The following POLE2 variants were observed in gnomAD, a reference collection of about 807,000 sequenced individuals.
POLE2 encodes DNA polymerase epsilon subunit 2.
POLE2 carries 56 observed loss-of-function variants against 79.4 expected under a neutral mutation model. The ratio of observed to expected loss-of-function variants is 0.71; its 90% CI spans 0.57 to 0.88. The LOEUF (loss-of-function observed/expected upper bound fraction) is 0.88, where lower values mean the gene tolerates loss of function less well. POLE2 is among the 40% of genes least tolerant of loss of function. The pLI is 0.00. For synonymous variants in POLE2, 212 were observed against 214.0 expected (o/e 0.99, Z 0.08); for missense variants, 598 against 638.9 (o/e 0.94, Z 0.69).
intron 3 of POLE2, chr14:49,677,403 A>T: frequency 2.1e-6 from 1 of 482,372 alleles, no homozygotes. Flanking sequence ...ATTCATGCCA[A>T]GGGTTAGGCC....
At chr14:49,665,920 G>A (rs932538375) in intron 7 of POLE2, among the ~76,000 whole-genome samples, 6 of 152,088 alleles carry the variant, frequency 3.9e-5, no homozygotes, top group Admixed American at 6.5e-5. Flanking sequence ...TCCACCTCCC[G>A]AGTTCAAGGA....
chr14:49,656,092 AC>A (rs2139627054), intron 10 of POLE2, among the ~76,000 whole-genome samples: 1 of 152,350 alleles, frequency 6.6e-6, no homozygotes, highest in East Asian at 1.9e-4. Context: ...ACGGTGGCTC[AC>A]GCCTGTAATC....
At chr14:49,663,422 T>A in intron 9 of POLE2, 35 bp from the exon 10 acceptor site, 1 of 1,462,288 alleles carries the variant, frequency 6.8e-7, no homozygotes, top group Admixed American at 1.7e-5. Flanking sequence ...ATTTGTCTAA[T>A]CCTCTATGTT....
chr14:49,643,581 T>A lies in POLE2; in HGVS notation c.*71A>T. The A allele has an allele frequency of 1.2e-6, 1 of 805,330 alleles. No individual in the cohort carries two copies. The highest frequency in any genetic ancestry group is 2.1e-6 in the Non-Finnish European group (1 of 486,746). The allele number at this position is 805,330 out of a possible 1,614,324, so 49.9% of individuals were successfully genotyped here. A position where few individuals can be genotyped will look rare whatever the true frequency, so the allele number is the denominator to read the frequency against. On this transcript the variant is annotated 3_prime_UTR_variant, in exon 19 of 19. Transcript: ENST00000216367. ...AAAGTTTACCATAATTTTATTGTAA[T>A]ATCAGAATCACATAAGATATAGAGT... is the stretch of plus-strand genomic sequence containing the variant.
chr14:49,686,622 G>A (rs143982514), intron 1 of POLE2, among the ~76,000 whole-genome samples: 3 of 152,260 alleles, frequency 2.0e-5, no homozygotes, highest in East Asian at 1.9e-4. Flanking sequence ...AATTTGTCAC[G>A]CAGCAATAGA....
chr14:49,664,445 C>T (rs1327348475), intron 9 of POLE2, among the ~76,000 whole-genome samples, 181 bp downstream of exon 9: 2 of 151,412 alleles, frequency 1.3e-5, no homozygotes, highest in South Asian at 2.1e-4. Context: ...AATTTCAGAA[C>T]ATTTTCATCA....
At chr14:49,665,549 C>T (rs996538765) in intron 7 of POLE2, among the ~76,000 whole-genome samples, 2 of 152,178 alleles carry the variant, frequency 1.3e-5, no homozygotes, top group Admixed American at 1.3e-4. Context: ...GAGGTCACTA[C>T]AGGCCTAATT....
At chr14:49,649,210 G>A (rs1197914706) in intron 17 of POLE2, among the ~76,000 whole-genome samples, 13 of 135,406 alleles carry the variant, frequency 9.6e-5, no homozygotes, top group Non-Finnish European at 1.8e-4. Context: ...GCAGTGGCGC[G>A]ATCTTGGCTC....
chr14:49,673,395 C>G (rs1886032725), intron 5 of POLE2, among the ~76,000 whole-genome samples: 1 of 152,164 alleles, frequency 6.6e-6, no homozygotes, highest in African/African-American at 2.4e-5. Context: ...TCCCACTTGC[C>G]TTTCCAAACT....
intron 18 of POLE2, among the ~76,000 whole-genome samples, chr14:49,645,808 T>C (rs1010761785): frequency 3.3e-5 from 5 of 152,188 alleles, no homozygotes; most frequent in Admixed American, 6.5e-5. Context: ...TTTTTTGTAT[T>C]TTTTTGTAGA....
At chr14:49,679,489 G>A (rs1291555115) in intron 3 of POLE2, 1 of 391,876 alleles carries the variant, frequency 2.6e-6, no homozygotes, top group Non-Finnish European at 4.6e-6. Context: ...GGCAGCAAAA[G>A]TTAGTAATGA....
chr14:49,670,317 C>CAAAAAAAA lies in POLE2; in HGVS notation c.418-727_418-720dup, dbSNP rs61383006. Among the ~76,000 whole-genome samples the CAAAAAAAA allele has an allele frequency of 2.1e-3, 123 of 59,096 alleles. 11 individuals carry two copies. The highest frequency in any genetic ancestry group is 7.3e-3 in the African/African-American group (110 of 15,054). 38.8% of individuals were successfully genotyped at this position (59,096 alleles called of 152,430 possible). On this transcript the variant is annotated intron_variant, in intron 5 of 18. Coordinates refer to ENST00000216367, the MANE Select transcript of POLE2 (RefSeq NM_002692.4). ...GGCAACAAGAGCGAAACTGTGTCTCCAAAAAAAAAAAAAAAAAAAAAAAAA... is the reference window on the plus strand; with the variant it reads ...GGCAACAAGAGCGAAACTGTGTCTCCAAAAAAAAAAAAAAAAAAAAAAAAAAAAAAAAA...
chr14:49,679,705 A>C lies in POLE2; in HGVS notation c.245+20T>G, dbSNP rs769846997. The C allele has an allele frequency of 1.4e-6, 2 of 1,402,702 alleles. No individual in the cohort carries two copies. Among genetic ancestry groups the C allele is most frequent in the African/African-American group, 2.9e-5 (2 of 70,076 alleles). The allele number at this position is 1,402,702 out of a possible 1,614,324, so 86.9% of individuals were successfully genotyped here. ...CAATAACACCTCCAAGGAGGAAAAA[A>C]GTTAACTGTACCCACATACATAGTT... On this transcript the variant is annotated intron_variant, in intron 3 of 18. Transcript: ENST00000216367.
intron 2 of POLE2, among the ~76,000 whole-genome samples, chr14:49,680,134 G>A (rs1023801274): frequency 3.3e-5 from 5 of 152,158 alleles, no homozygotes; most frequent in Admixed American, 6.5e-5. Context: ...AGGATGGCTC[G>A]AGCCCAGGAG....
At chr14:49,655,562 C>CAG (rs10678863) in intron 11 of POLE2, 109 bp downstream of exon 11, 145,293 of 762,718 alleles carry the variant, frequency 0.19, 16,862 homozygotes, top group Admixed American at 0.3. Context: ...ATTGCTAACT[C>CAG]TGTTTTTTTT....
In POLE2 at chr14:49,655,743, T is replaced by C. The variant is rs368277605; in HGVS notation, c.856A>G (p.Met286Val). ...KQLEEENKDA[M>V]FVFLSDVWLD... ...CAAACATCAGATAAAAACACAAACA[T>C]AGCATCTTTATTCTCCTCTTCTAGC... The change falls in exon 11 of 19, where the codon ATG becomes GTG. Residue 286 changes from methionine (M) to valine (V), a missense_variant. Coordinates refer to ENST00000216367, the MANE Select transcript of POLE2 (RefSeq NM_002692.4). The C allele has an allele frequency of 2.5e-6, 4 of 1,611,126 alleles. No homozygotes were observed. Among genetic ancestry groups the C allele is most frequent in the African/African-American group, 2.7e-5 (2 of 74,824 alleles).
chr14:49,665,773 G>C (rs1363032449), intron 7 of POLE2, among the ~76,000 whole-genome samples: 1 of 150,986 alleles, frequency 6.6e-6, no homozygotes, highest in Admixed American at 6.6e-5. Context: ...TTGTAAAACA[G>C]GCCCTATGGA....
chr14:49,661,213 G>T (rs1338426084), intron 10 of POLE2, among the ~76,000 whole-genome samples: 2 of 141,972 alleles, frequency 1.4e-5, no homozygotes, highest in Non-Finnish European at 3.1e-5. Context: ...CTCTTCAAAT[G>T]CAAAAAAAAA....
In POLE2 at chr14:49,648,881, G is replaced by C. The variant is rs45489698; in HGVS notation, c.1497+1384C>G. Among the ~76,000 whole-genome samples, 1,207 of 152,252 alleles carry C rather than the reference G, an allele frequency of 7.9e-3. 20 individuals are homozygous for C. The highest frequency in any genetic ancestry group is 0.028 in the African/African-American group (1,156 of 41,550). Reference sequence around the variant, plus strand: ...GCTGGTTGTGAACTCCTGGACTCAAGCCATCTTCCTGCCTCGGCCTCCCAA... The same window carrying C: ...GCTGGTTGTGAACTCCTGGACTCAACCCATCTTCCTGCCTCGGCCTCCCAA... On this transcript the variant is annotated intron_variant, in intron 17 of 18. Coordinates refer to ENST00000216367, the MANE Select transcript of POLE2 (RefSeq NM_002692.4).
Sources: allele counts gnomAD v4.1 joint callset (sites outside exome capture counted in the v4.1 genomes callset), GRCh38; gene constraint gnomAD v4.1.1; transcripts MANE v1.5; gene names NCBI Gene and HGNC (gene_info 2026-07-23, HGNC 2026-07-21).